Variants in ITPR1 observed in about 807,000 individuals in gnomAD.
ITPR1 encodes the protein inositol 1,4,5-trisphosphate receptor type 1.
In ITPR1, 96 loss-of-function variants were observed where a neutral mutation model predicts 318.4. That is an observed-to-expected ratio of 0.30 (90% CI 0.26 to 0.36). The LOEUF (loss-of-function observed/expected upper bound fraction) is 0.36. Ranked by LOEUF, ITPR1 falls within the 10% of genes least tolerant of loss-of-function variation. The pLI is 1.00. For missense variants in ITPR1, 2,440 were observed against 3,460.2 expected (o/e 0.71, Z 7.40); for synonymous variants, 1,312 against 1,289.9 (o/e 1.02, Z -0.37).
chr3:4,740,508 T>C (rs2043622861), intron 44 of ITPR1, among the ~76,000 whole-genome samples: 1 of 152,184 alleles, frequency 6.6e-6, no homozygotes, highest in Admixed American at 6.5e-5. Context: ...TGCTAGGCAC[T>C]CTCATGGAGG....
intron 40 of ITPR1, among the ~76,000 whole-genome samples, chr3:4,720,348 T>C (rs537832173): frequency 1.3e-5 from 2 of 152,318 alleles, no homozygotes; most frequent in South Asian, 4.1e-4. Context: ...AGGTAGCGGC[T>C]TAGGAGATCA....
At position 4,779,701 on chromosome 3, in the gene ITPR1, G is replaced by A. The variant is rs2046698542; in HGVS notation, c.6387+56G>A. On this transcript the variant is annotated intron_variant, in intron 49 of 61. Transcript: ENST00000649015. This position sits in a 1 kb window ranked among gnomAD's most constrained non-coding sequence, Gnocchi z 4.0. ...CCAAGGAGCATTGCGACGATATTTG[G>A]GACAGAGCAGAGGATCTGCTTCCTG... The A allele has an allele frequency of 8.0e-7, 1 of 1,248,582 alleles. No homozygotes were observed. Among genetic ancestry groups the A allele is most frequent in the Non-Finnish European group, 1.2e-6 (1 of 851,904 alleles). 77.3% of individuals were successfully genotyped at this position (1,248,582 alleles called of 1,614,324 possible). A position where few individuals can be genotyped will look rare whatever the true frequency, so the allele number is the denominator to read the frequency against.
chr3:4,671,890 T>C (rs2094093503), intron 20 of ITPR1: 1 of 152,258 alleles, frequency 6.6e-6, no homozygotes, highest in African/African-American at 2.4e-5. Context: ...TCATATGTAG[T>C]ATTTTATCTC....
At chr3:4,808,371 T>G (rs1200869358) in intron 55 of ITPR1, among the ~76,000 whole-genome samples, 1 of 152,182 alleles carries the variant, frequency 6.6e-6, no homozygotes, top group African/African-American at 2.4e-5. Context: ...CTGCCTTTTA[T>G]TCAAGCATGT....
At chr3:4,635,461 C>T (rs536804525) in intron 5 of ITPR1, among the ~76,000 whole-genome samples, 1 of 152,122 alleles carries the variant, frequency 6.6e-6, no homozygotes, top group African/African-American at 2.4e-5. Context: ...CTGCCTCAGC[C>T]TCCCGAGTAG....
intron 4 of ITPR1, among the ~76,000 whole-genome samples, chr3:4,554,738 T>C (rs766842333): frequency 7.2e-5 from 11 of 152,128 alleles, no homozygotes; most frequent in Non-Finnish European, 1.5e-4. Context: ...TCACTGGTCA[T>C]TGGGTGGAGG....
At chr3:4,517,826 T>C (rs2082275551) in intron 3 of ITPR1, among the ~76,000 whole-genome samples, 1 of 152,192 alleles carries the variant, frequency 6.6e-6, no homozygotes, top group Non-Finnish European at 1.5e-5. Context: ...TCATCGTCTA[T>C]GGTTGACTCT....
At chr3:4,716,925 C>A (rs1326913958) in intron 39 of ITPR1, among the ~76,000 whole-genome samples, 1 of 152,138 alleles carries the variant, frequency 6.6e-6, no homozygotes, top group Non-Finnish European at 1.5e-5. Context: ...GAGCTTCTGA[C>A]CCCCGACTGA....
At chr3:4,570,803 A>G (rs1353323547) in intron 4 of ITPR1, among the ~76,000 whole-genome samples, 2 of 152,222 alleles carry the variant, frequency 1.3e-5, no homozygotes, top group Admixed American at 6.5e-5. Flanking sequence ...AAGAAAGTTG[A>G]TCAAATCCAA....
intron 7 of ITPR1, among the ~76,000 whole-genome samples, chr3:4,643,067 G>A (rs1257140239): frequency 6.6e-6 from 1 of 152,180 alleles, no homozygotes; most frequent in Non-Finnish European, 1.5e-5. Context: ...AAATATGTTT[G>A]TGTATTTGTG....
chr3:4,719,169 A>G (rs1487982438), intron 40 of ITPR1, among the ~76,000 whole-genome samples: 2 of 152,174 alleles, frequency 1.3e-5, no homozygotes, highest in Non-Finnish European at 2.9e-5. Flanking sequence ...ATTATACTCT[A>G]GGAAATAGAA....
Position 4,768,547 on chromosome 3 carries a change from G to A in ITPR1, c.5762G>A (p.Arg1921Gln), listed in dbSNP as rs375223667. 3.1e-5 allele frequency: 50 copies of A among 1,613,502 alleles called. No individual in the cohort carries two copies. The highest frequency in any genetic ancestry group is 6.7e-5 in the African/African-American group (5 of 74,880). Reference sequence around the variant, plus strand: ...ACAACACAGATAACAGAAGAGGTCCGGGATCAGCTCCTGGAGGCCTCCGCT... The same window carrying A: ...ACAACACAGATAACAGAAGAGGTCCAGGATCAGCTCCTGGAGGCCTCCGCT... ...EPTTQITEEV[R>Q]DQLLEASAAT... Residue 1921 changes from arginine to glutamine, a missense_variant, in exon 46 of 62, where the codon CGG becomes CAG. By Grantham distance (43) the Arg-to-Gln change is conservative. Transcript: ENST00000649015.
chr3:4,644,357 C>A, intron 8 of ITPR1, 123 bp downstream of exon 8: 1 of 651,224 alleles, frequency 1.5e-6, no homozygotes, highest in Non-Finnish European at 2.7e-6. Context: ...GCCCATTCTG[C>A]AGGTGAAGAA....
At chr3:4,768,921 T>A (rs1475840889) in intron 46 of ITPR1, among the ~76,000 whole-genome samples, 157 bp downstream of exon 46, 1 of 151,578 alleles carries the variant, frequency 6.6e-6, no homozygotes, top group African/African-American at 2.4e-5. Context: ...CTTTTTTCTT[T>A]TTTTTTGAGA....
chr3:4,795,600 T>C (rs1471597834), intron 53 of ITPR1, among the ~76,000 whole-genome samples: 1 of 152,238 alleles, frequency 6.6e-6, no homozygotes, highest in Non-Finnish European at 1.5e-5. Flanking sequence ...ACCGCACTTC[T>C]GGAATTGATT....
chr3:4,819,920 T>C (rs2049573148), intron 60 of ITPR1, among the ~76,000 whole-genome samples: 1 of 152,162 alleles, frequency 6.6e-6, no homozygotes, highest in Non-Finnish European at 1.5e-5. Context: ...AGTGACTTCC[T>C]AGGAACAGTT....
At chr3:4,668,116 T>A (rs1006057167) in intron 18 of ITPR1, among the ~76,000 whole-genome samples, 1 of 152,170 alleles carries the variant, frequency 6.6e-6, no homozygotes, top group African/African-American at 2.4e-5. Context: ...AATTAAATTA[T>A]TGACTGTAAT....
At chr3:4,839,464 G>C (rs981530414) in intron 61 of ITPR1, among the ~76,000 whole-genome samples, 2 of 152,178 alleles carry the variant, frequency 1.3e-5, no homozygotes, top group Non-Finnish European at 2.9e-5. Context: ...AGGAGCTCCT[G>C]ATCATCCAGT....
intron 44 of ITPR1, among the ~76,000 whole-genome samples, chr3:4,763,361 T>A (rs1196323431): frequency 6.6e-6 from 1 of 152,090 alleles, no homozygotes; most frequent in African/African-American, 2.4e-5. Context: ...ACTTAACAAA[T>A]TTAAAAAGTT....
Sources: gnomAD v4.1 joint callset for allele counts (sites outside exome capture counted in the v4.1 genomes callset) on GRCh38, gnomAD v4.1.1 for gene constraint, Gnocchi (gnomAD v3.1) non-coding constraint, MANE v1.5 for transcripts, NCBI Gene and HGNC (gene_info 2026-07-23, HGNC 2026-07-21) for gene names.